ZFAND2A: variants seen among roughly 807,000 people sequenced by gnomAD.
ZFAND2A encodes the protein AN1-type zinc finger protein 2A.
Under a neutral mutation model 11.6 loss-of-function variants are expected in ZFAND2A, and 20 were observed. The ratio of observed to expected loss-of-function variants is 1.72; its 90% CI spans 1.21 to 2.50. ZFAND2A has a LOEUF of 2.50. Among genes scored for constraint, ZFAND2A ranks in the 30% most tolerant of loss-of-function variants. ZFAND2A has a pLI of 0.00. For missense variants in ZFAND2A, 234 were observed against 182.9 expected, an observed-to-expected ratio of 1.28 and a Z score of -1.61; for synonymous variants, 93 against 60.6, an observed-to-expected ratio of 1.54 and a Z score of -2.48.
intron 3 of ZFAND2A, 31 bp downstream of exon 3, chr7:1,157,625 A>T: frequency 6.4e-7 from 1 of 1,565,284 alleles, no homozygotes; most frequent in Non-Finnish European, 8.7e-7. Flanking sequence ...GACGGTGAAG[A>T]TGAGAATCTT....
At chr7:1,150,489 T>C (rs1793378738), downstream of ZFAND2A, among the ~76,000 whole-genome samples, 2 of 152,206 alleles carry the variant, frequency 1.3e-5, no homozygotes, top group Admixed American at 1.3e-4. Flanking sequence ...ACTGCACTCT[T>C]GATGAGCAGA....
chr7:1,158,265 A>C lies in ZFAND2A; in HGVS notation c.-45-8T>G. The C allele has an allele frequency of 1.3e-6, 2 of 1,541,328 alleles. No homozygotes were observed. The highest frequency in any genetic ancestry group is 1.8e-6 in the Non-Finnish European group (2 of 1,116,748). On this transcript the variant is annotated splice_region_variant and splice_polypyrimidine_tract_variant and intron_variant, in intron 1 of 4. Transcript: ENST00000316495. ...GGCGGAGTTAAGTGTCACCTACAAG[A>C]GAATCAGAATAGTTAGGAGGAAAGC...
At chr7:1,153,295 T>C (rs1793443805) in intron 4 of ZFAND2A, 71 bp from the exon 5 acceptor site, 1 of 1,536,148 alleles carries the variant, frequency 6.5e-7, no homozygotes, top group African/African-American at 1.4e-5. Context: ...TTGCCCAGGC[T>C]GGAGTGCAGT....
At chr7:1,152,613 G>GGGCCC (rs1563159093), downstream of ZFAND2A, among the ~76,000 whole-genome samples, 1 of 152,286 alleles carries the variant, frequency 6.6e-6, no homozygotes, top group African/African-American at 2.4e-5. Context: ...CTTTTCAGAG[G>GGGCCC]TCACGACTGT....
chr7:1,152,888 G>T, downstream of ZFAND2A: 3 of 930,826 alleles, frequency 3.2e-6, no homozygotes, highest in Non-Finnish European at 5.1e-6. Context: ...GCAGCAGTGG[G>T]CAATGAGAAC....
rs1454470150 is a variant in ZFAND2A at position 1,157,646 on chromosome 7, GATCA to G, written c.150+6_150+9del. 5 of 1,575,454 alleles carry G rather than the reference GATCA, an allele frequency of 3.2e-6. No homozygotes were observed. Among genetic ancestry groups the G allele is most frequent in the African/African-American group, 1.4e-5 (1 of 72,826 alleles). ...GAAGATGAGAATCTTTTGAACAAAG[GATCA>G]ATTACCTTCTGGAATGCAAACGGAC... On this transcript the variant is annotated splice_donor_region_variant and intron_variant, in intron 3 of 4. Transcript: ENST00000316495.
At position 1,158,157 on chromosome 7, in the gene ZFAND2A, C is replaced by G; in HGVS notation, c.55+1G>C. On this transcript the variant is annotated splice_donor_variant, in intron 2 of 4. Transcript: ENST00000316495. LOFTEE classifies it high-confidence loss of function. ...CTATTAAGTCTCTTAAAAGTACTCACCTAGCTGCTTGCAAGTCTTTTCTGA... is the reference window on the plus strand; with the variant it reads ...CTATTAAGTCTCTTAAAAGTACTCAGCTAGCTGCTTGCAAGTCTTTTCTGA... 1 of 1,613,598 alleles carries G rather than the reference C, an allele frequency of 6.2e-7. No individual in the cohort carries two copies. The highest frequency in any genetic ancestry group is 8.5e-7 in the Non-Finnish European group (1 of 1,179,762).
chr7:1,154,963 C>A (rs1251486424), intron 4 of ZFAND2A, among the ~76,000 whole-genome samples: 1 of 152,080 alleles, frequency 6.6e-6, no homozygotes, highest in Non-Finnish European at 1.5e-5. Context: ...ACTAAAAATA[C>A]AAAAGTTAGC....
rs1451354335 is a variant in ZFAND2A, at chr7:1,153,049, C to A, written c.*20G>T. The A allele has an allele frequency of 1.9e-6, 3 of 1,614,090 alleles. No homozygotes were observed. In the South Asian group the frequency reaches 3.3e-5, roughly 18 times the overall value. ...ACGCATGCTACTGCGTGCTCCGAGC[C>A]ATCGCAGCGGAGTCTCTTCTCACCC... On this transcript the variant is annotated 3_prime_UTR_variant, in exon 5 of 5. Transcript: ENST00000316495.
At chr7:1,155,321 C>G (rs774833661) in intron 4 of ZFAND2A, 132 bp downstream of exon 4, 3 of 1,279,332 alleles carry the variant, frequency 2.3e-6, no homozygotes, top group African/African-American at 3.0e-5. Flanking sequence ...ACAGGGATAA[C>G]GCAGCGTTAG....
chr7:1,159,587 G>A (rs1396983744), intron 1 of ZFAND2A, among the ~76,000 whole-genome samples: 1 of 63,056 alleles, frequency 1.6e-5, no homozygotes, highest in South Asian at 5.8e-4. Flanking sequence ...CCAACAGCCA[G>A]ACCCCGGCAG....
At chr7:1,157,445 T>G in intron 3 of ZFAND2A, 1 of 439,552 alleles carries the variant, frequency 2.3e-6, no homozygotes, top group Non-Finnish European at 4.1e-6. Flanking sequence ...TGTCTGAGAG[T>G]CATCCAACAG....
At chr7:1,158,824 C>T (rs1310338365) in intron 1 of ZFAND2A, among the ~76,000 whole-genome samples, 1 of 152,164 alleles carries the variant, frequency 6.6e-6, no homozygotes. Flanking sequence ...AACTACCGCA[C>T]TCGAGAGAGA....
At position 1,158,250 on chromosome 7, in the gene ZFAND2A, A is replaced by T; in HGVS notation, c.-38T>A. On this transcript the variant is annotated 5_prime_UTR_variant, in exon 2 of 5. Coordinates refer to ENST00000316495, the MANE Select transcript of ZFAND2A (RefSeq NM_182491.4). ...GCTCAAAACGCAGATGGCGGAGTTA[A>T]GTGTCACCTACAAGAGAATCAGAAT... is the stretch of plus-strand genomic sequence containing the variant. 1 of 1,592,722 alleles carries T rather than the reference A, an allele frequency of 6.3e-7. No individual in the cohort carries two copies. Among genetic ancestry groups the T allele is most frequent in the Non-Finnish European group, 8.6e-7 (1 of 1,161,510 alleles).
At chr7:1,154,748 A>G (rs1793482403) in intron 4 of ZFAND2A, among the ~76,000 whole-genome samples, 1 of 152,242 alleles carries the variant, frequency 6.6e-6, no homozygotes, top group African/African-American at 2.4e-5. Flanking sequence ...TGAACATCAT[A>G]TACTAAGATA....
intron 3 of ZFAND2A, among the ~76,000 whole-genome samples, chr7:1,156,872 G>A (rs1364466533): frequency 6.8e-6 from 1 of 146,962 alleles, no homozygotes; most frequent in Non-Finnish European, 1.5e-5. Flanking sequence ...AGACAAGCTG[G>A]GCAGTCTGGC....
downstream of ZFAND2A, among the ~76,000 whole-genome samples, chr7:1,149,925 T>G (rs1402633190): frequency 6.6e-6 from 1 of 151,260 alleles, no homozygotes; most frequent in Admixed American, 6.6e-5. Context: ...CGATCTCTGC[T>G]CACTGCAACC....
downstream of ZFAND2A, among the ~76,000 whole-genome samples, chr7:1,149,889 A>G (rs1793366844): frequency 1.4e-5 from 2 of 140,608 alleles, no homozygotes; most frequent in Non-Finnish European, 3.0e-5. Context: ...GTCTTGCTCT[A>G]TCACCCAGGC....
downstream of ZFAND2A, among the ~76,000 whole-genome samples, chr7:1,151,762 T>TTTAAAAAAAAAAAAAA (rs1554344524): frequency 1.1e-5 from 1 of 87,158 alleles, no homozygotes; most frequent in African/African-American, 5.6e-5. Context: ...TCATCCCTTT[T>TTTAAAAAAAAAAAAAA]AAAAAAAAAA....
Sources: gnomAD v4.1 joint callset for allele counts (sites outside exome capture counted in the v4.1 genomes callset) on GRCh38, gnomAD v4.1.1 for gene constraint, MANE v1.5 for transcripts, NCBI Gene and HGNC (gene_info 2026-07-23, HGNC 2026-07-21) for gene names.